Variants in MAP3K1 observed in about 807,000 individuals in gnomAD.
MAP3K1 encodes the protein mitogen-activated protein kinase kinase kinase 1.
In MAP3K1, 36 loss-of-function variants were observed where a neutral mutation model predicts 144.2. The observed-to-expected ratio is 0.25, with a 90% confidence interval of 0.19 to 0.33. The LOEUF is 0.33. Ranked by LOEUF, MAP3K1 falls within the 10% of genes least tolerant of loss-of-function variation. MAP3K1 has a pLI of 1.00. For missense variants in MAP3K1, 1,650 were observed against 1,881.9 expected (o/e 0.88, Z 2.28); for synonymous variants, 718 against 688.7 (o/e 1.04, Z -0.67).
chr5:56,825,829 A>G (rs1224154206), intron 1 of MAP3K1, among the ~76,000 whole-genome samples: 1 of 152,086 alleles, frequency 6.6e-6, no homozygotes, highest in Non-Finnish European at 1.5e-5. Flanking sequence ...CACCCTCAGA[A>G]TGAAGTCCAG....
intron 1 of MAP3K1, among the ~76,000 whole-genome samples, chr5:56,820,145 A>G (rs550917409): frequency 2.6e-4 from 40 of 152,146 alleles, no homozygotes; most frequent in African/African-American, 8.9e-4. Flanking sequence ...TATGATATCT[A>G]TTATATGTAT....
At chr5:56,889,800 T>C (rs1748492021) in intron 19 of MAP3K1, among the ~76,000 whole-genome samples, 1 of 152,112 alleles carries the variant, frequency 6.6e-6, no homozygotes, top group Non-Finnish European at 1.5e-5. Flanking sequence ...ATAAACAAAA[T>C]TATACCTAGG....
intron 2 of MAP3K1, among the ~76,000 whole-genome samples, chr5:56,857,526 A>G (rs1050632956): frequency 2.2e-4 from 34 of 152,170 alleles, no homozygotes; most frequent in Non-Finnish European, 4.4e-4. Flanking sequence ...AAATTCATCT[A>G]AGCTTTGACA....
chr5:56,859,976 A>G lies in MAP3K1; in HGVS notation c.834+61A>G, dbSNP rs1747457903. 1.1e-5 allele frequency: 15 copies of G among 1,358,870 alleles called. No homozygotes were observed. In the South Asian group the frequency reaches 1.9e-4, roughly 17 times the overall value. 84.2% of individuals were successfully genotyped at this position (1,358,870 alleles called of 1,614,324 possible). On this transcript the variant is annotated intron_variant, in intron 3 of 19. Coordinates refer to ENST00000399503, the MANE Select transcript of MAP3K1 (RefSeq NM_005921.2). The stretch of plus-strand genomic sequence containing the variant: ...TAATTTTTAGCTTCATTTATAACAA[A>G]GAAAAGACTGGCCAGCCATCTGTTA...
intron 6 of MAP3K1, among the ~76,000 whole-genome samples, chr5:56,866,488 C>T (rs1747678285): frequency 6.6e-6 from 1 of 152,112 alleles, no homozygotes; most frequent in African/African-American, 2.4e-5. Context: ...TGTATATAGA[C>T]GTTTTGTGCT....
chr5:56,844,414 C>T (rs971788454), intron 1 of MAP3K1, among the ~76,000 whole-genome samples: 5 of 151,810 alleles, frequency 3.3e-5, no homozygotes, highest in South Asian at 2.1e-4. Context: ...CTCCTGACCT[C>T]GTGATCCGCC....
At chr5:56,875,813 A>ACCTT (rs1321987137) in intron 10 of MAP3K1, among the ~76,000 whole-genome samples, 1 of 152,242 alleles carries the variant, frequency 6.6e-6, no homozygotes, top group Non-Finnish European at 1.5e-5. Context: ...CTGAGCAGAT[A>ACCTT]CCTTATACAT....
chr5:56,829,746 C>CT (rs1251824820), intron 1 of MAP3K1, among the ~76,000 whole-genome samples: 2 of 152,188 alleles, frequency 1.3e-5, no homozygotes, highest in Non-Finnish European at 2.9e-5. Flanking sequence ...AGTCTTGAAT[C>CT]TTGGTCACCT....
In MAP3K1 at chr5:56,882,287, C is replaced by G. The variant is rs146112116; in HGVS notation, c.3087C>G (p.Phe1029Leu). ...PQTQRKFSLQ[F>L]HRNCPENKDS... ...CACAGCGCAAGTTTTCTCTACAATT[C>G]CACAGAAACTGTCCTGAAAACAAAG... Residue 1029 changes from phenylalanine to leucine, a missense_variant, in exon 14 of 20, where the codon TTC becomes TTG. By Grantham distance (22) the Phe-to-Leu change is conservative. This residue lies in a region of MAP3K1 where 841 missense variants were observed against 886.5 expected (regional missense o/e 0.95). Coordinates refer to ENST00000399503, the MANE Select transcript of MAP3K1 (RefSeq NM_005921.2). 41 of 1,613,984 alleles carry G rather than the reference C, an allele frequency of 2.5e-5. No homozygotes were observed. The highest frequency in any genetic ancestry group is 3.3e-5 in the Non-Finnish European group (39 of 1,180,022).
intron 1 of MAP3K1, among the ~76,000 whole-genome samples, chr5:56,833,369 T>G (rs1203517927): frequency 1.3e-5 from 2 of 152,220 alleles, no homozygotes. Flanking sequence ...TTAAAAGCAG[T>G]AATTGTTAAC....
intron 17 of MAP3K1, among the ~76,000 whole-genome samples, chr5:56,886,548 A>G (rs967373279): frequency 2.0e-5 from 3 of 152,216 alleles, no homozygotes; most frequent in Non-Finnish European, 4.4e-5. Flanking sequence ...TACATTGAAT[A>G]CAAGAGAGGC....
At chr5:56,843,208 C>T (rs1746870366) in intron 1 of MAP3K1, among the ~76,000 whole-genome samples, 1 of 152,302 alleles carries the variant, frequency 6.6e-6, no homozygotes, top group East Asian at 1.9e-4. Flanking sequence ...CCAGTTCTTC[C>T]TGAAGTCCCC....
At chr5:56,855,495 C>T (rs1028703763) in intron 1 of MAP3K1, among the ~76,000 whole-genome samples, 18 of 152,176 alleles carry the variant, frequency 1.2e-4, no homozygotes. Context: ...TTGCCTTCTA[C>T]TTTCCTCACA....
At chr5:56,868,861 A>G (rs1747763953) in intron 6 of MAP3K1, among the ~76,000 whole-genome samples, 1 of 152,104 alleles carries the variant, frequency 6.6e-6, no homozygotes, top group African/African-American at 2.4e-5. Flanking sequence ...ATATACACAT[A>G]GTGGAATATT....
chr5:56,820,712 T>C, intron 1 of MAP3K1: 1 of 985,316 alleles, frequency 1.0e-6, no homozygotes. Context: ...CCTACCCCTT[T>C]GTTATTGTTT....
intron 6 of MAP3K1, among the ~76,000 whole-genome samples, chr5:56,869,335 T>A (rs1371884396): frequency 6.6e-6 from 1 of 152,052 alleles, no homozygotes; most frequent in Non-Finnish European, 1.5e-5. Context: ...TGGTGTTTAA[T>A]GGGTATAGGG....
chr5:56,853,806 G>A (rs951428303), intron 1 of MAP3K1, among the ~76,000 whole-genome samples: 6 of 152,138 alleles, frequency 3.9e-5, no homozygotes, highest in African/African-American at 1.4e-4. Flanking sequence ...GAAGAAGGGG[G>A]GTTGCAGGTC....
intron 2 of MAP3K1, among the ~76,000 whole-genome samples, chr5:56,858,715 G>A (rs1747411916): frequency 6.6e-6 from 1 of 152,126 alleles, no homozygotes; most frequent in African/African-American, 2.4e-5. Context: ...TGTGTGGGAT[G>A]GGCAGAAGAG....
chr5:56,859,610 T>G (rs1358543617), intron 2 of MAP3K1, 105 bp from the exon 3 acceptor site: 26 of 794,544 alleles, frequency 3.3e-5, no homozygotes, highest in Non-Finnish European at 4.6e-5. Context: ...TGGTATAATA[T>G]TTCATAACAA....
Sources: gnomAD v4.1 joint callset for allele counts (sites outside exome capture counted in the v4.1 genomes callset) on GRCh38, gnomAD v4.1.1 for gene constraint, gnomAD v4.1.1 regional missense constraint, MANE v1.5 for transcripts, NCBI Gene and HGNC (gene_info 2026-07-23, HGNC 2026-07-21) for gene names.